CALN1: variants seen among roughly 807,000 people sequenced by gnomAD.
The protein encoded by CALN1 is calneuron 1, also known as calcium-binding protein 8.
In CALN1, 17 loss-of-function variants were observed where a neutral mutation model predicts 30.6. The ratio of observed to expected loss-of-function variants is 0.56; its 90% CI spans 0.38 to 0.83. CALN1 has a LOEUF of 0.83. Among genes scored for constraint, CALN1 ranks in the 40% least tolerant of loss-of-function variants. The pLI is 0.00. For synonymous variants in CALN1, 156 were observed against 131.4 expected (o/e 1.19, Z -1.28); for missense variants, 291 against 354.9 (o/e 0.82, Z 1.45).
At chr7:72,295,564 G>C (rs1221996367) in intron 2 of CALN1, among the ~76,000 whole-genome samples, 1 of 145,864 alleles carries the variant, frequency 6.9e-6, no homozygotes, top group Non-Finnish European at 1.5e-5. Context: ...AGTTCTCCTT[G>C]AAGAGGTCCT....
At chr7:72,150,256 CTAAAT>C (rs961476555) in intron 3 of CALN1, among the ~76,000 whole-genome samples, 6 of 151,980 alleles carry the variant, frequency 3.9e-5, no homozygotes, top group Non-Finnish European at 7.4e-5. Flanking sequence ...TTGAGGGGGC[CTAAAT>C]TATTTGAATC....
intron 5 of CALN1, among the ~76,000 whole-genome samples, chr7:71,815,242 G>T (rs748754666): frequency 1.3e-5 from 2 of 152,120 alleles, no homozygotes; most frequent in Admixed American, 6.6e-5. Flanking sequence ...TTGACTGCAC[G>T]TGGGTCAGTG....
chr7:72,009,954 C>T (rs1380933662), intron 5 of CALN1, among the ~76,000 whole-genome samples: 1 of 152,142 alleles, frequency 6.6e-6, no homozygotes. Flanking sequence ...GGTTAATTTC[C>T]TAAAATCAAC....
chr7:72,338,582 C>CTTTAGAA (rs199545543), intron 2 of CALN1, among the ~76,000 whole-genome samples: 1,484 of 147,890 alleles, frequency 0.01, 53 homozygotes, highest in African/African-American at 0.035. Context: ...GGTGCCACGC[C>CTTTAGAA]TTTAGCATTT....
At chr7:71,898,412 A>C (rs1793668961) in intron 5 of CALN1, among the ~76,000 whole-genome samples, 1 of 152,186 alleles carries the variant, frequency 6.6e-6, no homozygotes, top group Admixed American at 6.5e-5. Flanking sequence ...ATGGCTGATA[A>C]AAGGATTTAG....
intron 2 of CALN1, among the ~76,000 whole-genome samples, chr7:72,298,723 G>A (rs886225898): frequency 3.3e-5 from 5 of 151,966 alleles, no homozygotes; most frequent in African/African-American, 1.2e-4. Context: ...GGCCTGGTGG[G>A]AGGTGACTGA....
intron 3 of CALN1, among the ~76,000 whole-genome samples, chr7:72,216,295 G>A (rs1404931154): frequency 1.3e-5 from 2 of 151,894 alleles, no homozygotes; most frequent in East Asian, 1.9e-4. Flanking sequence ...GCGTGGTGGT[G>A]TGCACCTGTA....
intron 3 of CALN1, among the ~76,000 whole-genome samples, chr7:72,127,271 T>G (rs370863123): frequency 7.7e-4 from 117 of 152,160 alleles, no homozygotes; most frequent in African/African-American, 2.7e-3. Context: ...GTATGCCTGA[T>G]GTGTTGGAGG....
At position 71,787,626 on chromosome 7, in the gene CALN1, A is replaced by T; in HGVS notation, c.*149T>A. 1.8e-6 allele frequency: 2 copies of T among 1,122,146 alleles called. No homozygotes were observed. The highest frequency in any genetic ancestry group is 1.2e-6 in the Non-Finnish European group (1 of 813,256). The allele number at this position is 1,122,146 out of a possible 1,614,324, so 69.5% of individuals were successfully genotyped here. ...GAAGCTGAAGTGCAACCCCAGTTGC[A>T]CTCAACCTTGGGTTCTTTACTGAAC... On this transcript the variant is annotated 3_prime_UTR_variant, in exon 7 of 7. Transcript: ENST00000395275.
chr7:72,205,582 A>ATATATATATATATATATATG (rs1554319695), intron 3 of CALN1, among the ~76,000 whole-genome samples: 2 of 132,682 alleles, frequency 1.5e-5, no homozygotes, highest in South Asian at 2.5e-4. Context: ...ATATATATAT[A>ATATATATATATATATATATG]TATATTCAGG....
At chr7:72,192,733 A>G (rs1790705301) in intron 3 of CALN1, among the ~76,000 whole-genome samples, 1 of 150,974 alleles carries the variant, frequency 6.6e-6, no homozygotes. Context: ...TACATGTGCC[A>G]TGCTGGTGCG....
At chr7:71,960,134 AAAATAAATAAATAAATAAAT>A (rs71092940) in intron 5 of CALN1, among the ~76,000 whole-genome samples, 29,978 of 135,824 alleles carry the variant, frequency 0.22, 3,513 homozygotes, top group Middle Eastern at 0.32. Flanking sequence ...CTCCATCTCA[AAAATAAATAAATAAATAAAT>A]AAATAAATAA....
At chr7:71,998,574 C>CTTT (rs61218281) in intron 5 of CALN1, among the ~76,000 whole-genome samples, 10,352 of 142,634 alleles carry the variant, frequency 0.073, 412 homozygotes, top group African/African-American at 0.088. Context: ...AACAGATATA[C>CTTT]TTTTTTTTTT....
At chr7:71,972,947 T>A (rs1797921253) in intron 5 of CALN1, among the ~76,000 whole-genome samples, 1 of 152,136 alleles carries the variant, frequency 6.6e-6, no homozygotes. Context: ...GAGGGACAGT[T>A]CTATAAACAT....
intron 3 of CALN1, among the ~76,000 whole-genome samples, chr7:72,113,989 CTG>C (rs573897310): frequency 5.9e-5 from 9 of 152,028 alleles, no homozygotes; most frequent in African/African-American, 1.7e-4. Flanking sequence ...GCAGAGGACA[CTG>C]TGGAAAGAAG....
intron 3 of CALN1, among the ~76,000 whole-genome samples, chr7:72,245,506 C>T (rs1298284881): frequency 6.6e-6 from 1 of 152,074 alleles, no homozygotes; most frequent in Non-Finnish European, 1.5e-5. Context: ...GTAATCCCAG[C>T]TACTCAGGAG....
At chr7:71,971,707 G>A (rs1182186343) in intron 5 of CALN1, among the ~76,000 whole-genome samples, 5 of 151,480 alleles carry the variant, frequency 3.3e-5, no homozygotes, top group Admixed American at 6.6e-5. Context: ...AGAACAGCCC[G>A]GGCAACATGG....
At chr7:72,420,769 G>A (rs562494909) in intron 1 of CALN1, among the ~76,000 whole-genome samples, 173 of 151,844 alleles carry the variant, frequency 1.1e-3, no homozygotes, top group Non-Finnish European at 1.9e-3. Flanking sequence ...ACAGGAGCCC[G>A]CCACTACGCC....
intron 5 of CALN1, among the ~76,000 whole-genome samples, chr7:71,856,901 G>A (rs141271683): frequency 0.045 from 6,870 of 152,178 alleles, 409 homozygotes; most frequent in African/African-American, 0.13. Context: ...GTTGCAGTGA[G>A]CTGAGATCGT....
Sources: gnomAD v4.1 joint callset for allele counts (sites outside exome capture counted in the v4.1 genomes callset) on GRCh38, gnomAD v4.1.1 for gene constraint, MANE v1.5 for transcripts, NCBI Gene and HGNC (gene_info 2026-07-23, HGNC 2026-07-21) for gene names.